The following POLK variants were observed in gnomAD, a reference collection of about 807,000 sequenced individuals.
The protein encoded by POLK is polymerase (DNA directed) kappa.
In POLK, 76 loss-of-function variants were observed where a neutral mutation model predicts 94.0. The ratio of observed to expected loss-of-function variants is 0.81; its 90% confidence interval spans 0.67 to 0.98. The LOEUF is 0.98. Among genes scored for constraint, POLK ranks in the 50% least tolerant of loss-of-function variants. The pLI is 0.00. For synonymous variants in POLK, 349 were observed against 325.4 expected (o/e 1.07, Z -0.78); for missense variants, 954 against 1,010.1 (o/e 0.94, Z 0.75).
At chr5:75,516,771 A>G (rs1768342320) in intron 1 of POLK, among the ~76,000 whole-genome samples, 1 of 152,226 alleles carries the variant, frequency 6.6e-6, no homozygotes, top group Non-Finnish European at 1.5e-5. Flanking sequence ...CTTACATTTA[A>G]GTTTCTAATC....
intron 7 of POLK, chr5:75,581,649 G>A (rs1345609895): frequency 2.6e-5 from 13 of 505,884 alleles, no homozygotes; most frequent in Non-Finnish European, 4.1e-5. Context: ...CTATGAGCCT[G>A]AAGGAAAAAA....
intron 1 of POLK, among the ~76,000 whole-genome samples, chr5:75,539,593 T>A (rs1404027798): frequency 6.6e-6 from 1 of 152,158 alleles, no homozygotes; most frequent in East Asian, 1.9e-4. Flanking sequence ...CCTACTAGGC[T>A]TCAGAGATAC....
chr5:75,578,262 T>C (rs1772010486), intron 6 of POLK, among the ~76,000 whole-genome samples: 1 of 152,188 alleles, frequency 6.6e-6, no homozygotes, highest in South Asian at 2.1e-4. Flanking sequence ...TTCAAGCAGT[T>C]CTCCTGCCTT....
rs187829809 is a variant in POLK, at chr5:75,566,816, G to A, written c.256-2524G>A. Among the ~76,000 whole-genome samples, 316 of 152,274 alleles carry A rather than the reference G, an allele frequency of 2.1e-3. 1 individual carries two copies. In the East Asian group the frequency reaches 0.027, roughly 13 times the overall value. The stretch of plus-strand genomic sequence containing the variant: ...GCAGCCATCTTACCCGGGAATCCCC[G>A]AAGCCGTTATTCTTAACGAGTGTGA... On this transcript the variant is annotated intron_variant, in intron 3 of 14. Coordinates refer to ENST00000241436, the Ensembl canonical transcript of POLK.
Position 75,596,400 on chromosome 5 carries a change from T to TA in POLK, c.1713dup (p.Arg572ThrfsTer13), listed in dbSNP as rs759944509. The TA allele has an allele frequency of 3.1e-6, 5 of 1,613,876 alleles. No individual in the cohort carries two copies. The highest frequency in any genetic ancestry group is 4.2e-6 in the Non-Finnish European group (5 of 1,179,820). ...TGTCTCATAAGAAGAGTTTCTTTGA[T>TA]AAAAAACGATCAGAAAGGAAATGGA... is the stretch of plus-strand genomic sequence containing the variant. On this transcript the variant is annotated frameshift_variant, in exon 13 of 15. Transcript: ENST00000241436. LOFTEE classifies it high-confidence loss of function.
chr5:75,546,650 G>A (rs1049988365), intron 1 of POLK, among the ~76,000 whole-genome samples: 20 of 123,044 alleles, frequency 1.6e-4, no homozygotes, highest in African/African-American at 4.9e-4. Context: ...ATGTTTTTTG[G>A]AGTTTTTTCT....
At chr5:75,546,948 T>G in intron 1 of POLK, 62 bp from the exon 2 acceptor site, 2 of 833,564 alleles carry the variant, frequency 2.4e-6, no homozygotes, top group Non-Finnish European at 3.6e-6. Flanking sequence ...ATTACGGGCA[T>G]GAGCCACCAC....
At chr5:75,546,779 C>G (rs971804898) in intron 1 of POLK, among the ~76,000 whole-genome samples, 3 of 152,104 alleles carry the variant, frequency 2.0e-5, no homozygotes, top group Admixed American at 2.0e-4. Flanking sequence ...AATTCTCCTG[C>G]CTCAGCCTCC....
chr5:75,558,909 C>T (rs1185677768), intron 3 of POLK, among the ~76,000 whole-genome samples: 3 of 152,054 alleles, frequency 2.0e-5, no homozygotes, highest in Non-Finnish European at 4.4e-5. Flanking sequence ...AGCTCATATC[C>T]TTAAATATAC....
chr5:75,595,734 G>A (rs1773043672), intron 12 of POLK, among the ~76,000 whole-genome samples: 1 of 152,156 alleles, frequency 6.6e-6, no homozygotes, highest in South Asian at 2.1e-4. Context: ...GAGTGACAAT[G>A]TTGTGGCAGT....
chr5:75,527,570 C>T (rs1356246972), intron 1 of POLK, among the ~76,000 whole-genome samples: 4 of 148,222 alleles, frequency 2.7e-5, no homozygotes, highest in African/African-American at 5.0e-5. Flanking sequence ...TGTATATATA[C>T]ATGTGTATGT....
intron 3 of POLK, among the ~76,000 whole-genome samples, chr5:75,556,135 G>A (rs1770608030): frequency 6.6e-6 from 1 of 152,214 alleles, no homozygotes; most frequent in South Asian, 2.1e-4. Flanking sequence ...CACCAACAAT[G>A]AATGAGGATT....
intron 3 of POLK, among the ~76,000 whole-genome samples, chr5:75,556,797 C>T (rs1458221788): frequency 2.0e-5 from 3 of 151,732 alleles, no homozygotes; most frequent in Non-Finnish European, 4.4e-5. Context: ...TGTGGCGGCT[C>T]ACGCCTGTAA....
At chr5:75,590,803 T>C (rs1473014094) in intron 11 of POLK, among the ~76,000 whole-genome samples, 9 of 152,182 alleles carry the variant, frequency 5.9e-5, no homozygotes, top group African/African-American at 1.9e-4. Context: ...ATATTACAAA[T>C]GTCTTTCCAA....
chr5:75,562,148 TG>T (rs1286034308), intron 3 of POLK, among the ~76,000 whole-genome samples: 1 of 152,246 alleles, frequency 6.6e-6, no homozygotes, highest in Non-Finnish European at 1.5e-5. Context: ...GAGTATGGAA[TG>T]TTTTTCCATT....
intron 3 of POLK, among the ~76,000 whole-genome samples, chr5:75,558,209 A>G (rs1397830655): frequency 6.6e-6 from 1 of 151,880 alleles, no homozygotes; most frequent in African/African-American, 2.4e-5. Context: ...AGTTCCAGGA[A>G]CAATATTCTT....
chr5:75,581,433 C>T, exon 7 of POLK: 1 of 1,613,526 alleles, frequency 6.2e-7, no homozygotes, highest in Non-Finnish European at 8.5e-7. Flanking sequence ...GAAAACAACA[C>T]TGACAGCCAG....
At chr5:75,511,985 A>C in intron 1 of POLK, 71 bp downstream of exon 1, 1 of 610,162 alleles carries the variant, frequency 1.6e-6, no homozygotes, top group Non-Finnish European at 2.9e-6. Context: ...TTCGTTTGAC[A>C]GTTGCGTGAC....
intron 6 of POLK, chr5:75,580,626 T>C: frequency 2.7e-5 from 13 of 483,298 alleles, no homozygotes; most frequent in Non-Finnish European, 3.0e-5. Flanking sequence ...AAATGTGCCC[T>C]TAGTCAAAGT....
Sources: gnomAD v4.1 joint callset for allele counts (sites outside exome capture counted in the v4.1 genomes callset) on GRCh38, gnomAD v4.1.1 for gene constraint, MANE v1.5 for transcripts, NCBI Gene and HGNC (gene_info 2026-07-23, HGNC 2026-07-21) for gene names.